The following DLG2 variants were observed in gnomAD, a reference collection of about 807,000 sequenced individuals.
The protein encoded by DLG2 is disks large homolog 2.
DLG2 carries 45 observed loss-of-function variants against 132.5 expected under a neutral mutation model. The observed-to-expected ratio is 0.34, with a 90% CI of 0.27 to 0.44. DLG2 has a LOEUF of 0.44. DLG2 is among the 20% of genes least tolerant of loss of function. DLG2 has a pLI of 1.00. For synonymous variants in DLG2, 424 were observed against 419.6 expected, an observed-to-expected ratio of 1.01 and a Z score of -0.13; for missense variants, 1,045 against 1,196.9, an observed-to-expected ratio of 0.87 and a Z score of 1.87.
At chr11:84,778,906 A>G (rs1156462165) in intron 6 of DLG2, among the ~76,000 whole-genome samples, 1 of 152,064 alleles carries the variant, frequency 6.6e-6, no homozygotes, top group African/African-American at 2.4e-5. Flanking sequence ...CCGCCTTTCT[A>G]TTTCTCCTGT....
At position 83,833,619 on chromosome 11, in the gene DLG2, G is replaced by A. The variant is rs747301046; in HGVS notation, c.1717C>T (p.Leu573=). Reference sequence around the variant, plus strand: ...GATTAAAGAAACATACTCACCGATAGGATCTGGTCTCCTCTCTGGAGCTCC... The same window carrying A: ...GATTAAAGAAACATACTCACCGATAAGATCTGGTCTCCTCTCTGGAGCTCC... ...SGELQRGDQI[L]SVNGIDLRGA... The change falls in exon 17 of 28, where the codon CTA becomes TTA. Residue 573 remains leucine, a synonymous_variant. Coordinates refer to ENST00000376104, the MANE Select transcript of DLG2 (RefSeq NM_001142699.3). 6.2e-7 allele frequency: 1 copy of A among 1,612,890 alleles called. No homozygotes were observed.
chr11:85,466,239 A>C (rs1160077591), intron 3 of DLG2, among the ~76,000 whole-genome samples: 1 of 151,920 alleles, frequency 6.6e-6, no homozygotes, highest in East Asian at 1.9e-4. Flanking sequence ...AATTGCAAAA[A>C]TTTTCTCCCA....
intron 4 of DLG2, among the ~76,000 whole-genome samples, chr11:85,224,250 G>A (rs1260153170): frequency 6.6e-6 from 1 of 152,164 alleles, no homozygotes; most frequent in African/African-American, 2.4e-5. Context: ...ATCAGGTGTA[G>A]GGTAAGAAGC....
chr11:84,512,173 A>G (rs1025164325), intron 7 of DLG2, among the ~76,000 whole-genome samples: 7 of 152,298 alleles, frequency 4.6e-5, no homozygotes, highest in African/African-American at 1.7e-4. Context: ...GGCATTTCTC[A>G]GTAAAGCCAT....
intron 18 of DLG2, among the ~76,000 whole-genome samples, chr11:83,678,835 T>C (rs767960928): frequency 1.3e-5 from 2 of 152,210 alleles, no homozygotes; most frequent in Non-Finnish European, 2.9e-5. Context: ...ACGAACTTTT[T>C]ATGTTTCATT....
At chr11:83,852,499 G>A (rs1202197890) in intron 16 of DLG2, among the ~76,000 whole-genome samples, 1 of 152,094 alleles carries the variant, frequency 6.6e-6, no homozygotes, top group African/African-American at 2.4e-5. Context: ...AAGAATTACT[G>A]TGGAAAAAAA....
intron 6 of DLG2, among the ~76,000 whole-genome samples, chr11:84,602,216 A>G (rs1489153633): frequency 6.6e-6 from 1 of 151,958 alleles, no homozygotes; most frequent in Non-Finnish European, 1.5e-5. Context: ...AGGGTAGGAC[A>G]CAGTAAAATA....
intron 2 of DLG2, among the ~76,000 whole-genome samples, chr11:85,599,580 A>G (rs2080010635): frequency 6.6e-6 from 1 of 152,156 alleles, no homozygotes; most frequent in African/African-American, 2.4e-5. Flanking sequence ...CAGTTTCCTC[A>G]CAGGTGTTAT....
At chr11:84,142,319 C>CAAA (rs71066094) in intron 9 of DLG2, among the ~76,000 whole-genome samples, 1 of 86,884 alleles carries the variant, frequency 1.2e-5, no homozygotes, top group Non-Finnish European at 2.4e-5. Flanking sequence ...GAATCCATCT[C>CAAA]AAAAAAAAAA....
intron 6 of DLG2, among the ~76,000 whole-genome samples, chr11:84,685,339 T>C (rs2099737179): frequency 6.6e-6 from 1 of 152,218 alleles, no homozygotes; most frequent in Admixed American, 6.5e-5. Flanking sequence ...GAATAAGTGT[T>C]CTGCCTGGAA....
At chr11:84,440,946 A>C (rs1424026738) in intron 7 of DLG2, among the ~76,000 whole-genome samples, 1 of 152,226 alleles carries the variant, frequency 6.6e-6, no homozygotes, top group African/African-American at 2.4e-5. Context: ...AATTCAATCC[A>C]AGGAATTAAT....
chr11:85,220,637 A>AAAAAAAAATAT (rs371263007), intron 4 of DLG2, among the ~76,000 whole-genome samples: 2 of 148,262 alleles, frequency 1.3e-5, no homozygotes, highest in African/African-American at 5.0e-5. Flanking sequence ...TAGAAAAAAA[A>AAAAAAAAATAT]ATATATATAT....
At chr11:85,024,654 T>C (rs2060364315) in intron 6 of DLG2, among the ~76,000 whole-genome samples, 1 of 152,224 alleles carries the variant, frequency 6.6e-6, no homozygotes, top group African/African-American at 2.4e-5. Flanking sequence ...GAGAAAATCA[T>C]CTAAGCCATT....
At chr11:84,056,370 G>A (rs963969618) in intron 11 of DLG2, among the ~76,000 whole-genome samples, 1 of 151,932 alleles carries the variant, frequency 6.6e-6, no homozygotes, top group African/African-American at 2.4e-5. Flanking sequence ...AAATCCTCTG[G>A]ACCATTTTGT....
At chr11:83,663,791 G>A (rs2074920257) in intron 18 of DLG2, among the ~76,000 whole-genome samples, 1 of 152,190 alleles carries the variant, frequency 6.6e-6, no homozygotes, top group Non-Finnish European at 1.5e-5. Context: ...ACATAAGGCT[G>A]TTGATTTTCC....
intron 5 of DLG2, among the ~76,000 whole-genome samples, chr11:85,146,029 G>A (rs115826376): frequency 0.036 from 5,543 of 152,082 alleles, 312 homozygotes; most frequent in African/African-American, 0.13. Flanking sequence ...GAAGTCTCTG[G>A]TCACTGAAGC....
chr11:84,355,252 A>T (rs1231596201), intron 7 of DLG2, among the ~76,000 whole-genome samples: 1 of 152,082 alleles, frequency 6.6e-6, no homozygotes, highest in African/African-American at 2.4e-5. Flanking sequence ...AAGGGAGGAA[A>T]GAGATTATAT....
In DLG2 at chr11:84,164,560, AAC is replaced by A. The variant is rs557560531; in HGVS notation, c.574-1051_574-1050del. ...GCCCAGACAGCCAGCCCTGTTGCCT[AAC>A]ACAGAGCCTGGCAAGAAAATAATGA... On this transcript the variant is annotated intron_variant, in intron 8 of 27. Coordinates refer to ENST00000376104, the MANE Select transcript of DLG2 (RefSeq NM_001142699.3). 9.2e-3 allele frequency among the ~76,000 whole-genome samples: 1,405 copies of A among 152,354 alleles called. 13 individuals carry two copies. The highest frequency in any genetic ancestry group is 0.016 in the Non-Finnish European group (1,087 of 68,032).
At chr11:84,323,189 A>G (rs2154397688) in intron 7 of DLG2, among the ~76,000 whole-genome samples, 1 of 152,202 alleles carries the variant, frequency 6.6e-6, no homozygotes, top group African/African-American at 2.4e-5. Flanking sequence ...CCATTGAACA[A>G]CAAAACCCCA....
Sources: allele counts gnomAD v4.1 joint callset (sites outside exome capture counted in the v4.1 genomes callset), GRCh38; gene constraint gnomAD v4.1.1; transcripts MANE v1.5; gene names NCBI Gene and HGNC (gene_info 2026-07-23, HGNC 2026-07-21).